AGBL4: variants seen among roughly 807,000 people sequenced by gnomAD.
The protein encoded by AGBL4 is AGBL carboxypeptidase 4, also known as cytosolic carboxypeptidase 6.
AGBL4 carries 58 observed loss-of-function variants against 66.4 expected under a neutral mutation model. That is an observed-to-expected ratio of 0.87 (90% CI 0.71 to 1.09). The LOEUF is 1.09. Ranked by LOEUF, AGBL4 falls within the 50% of genes least tolerant of loss-of-function variation. The probability of loss-of-function intolerance (pLI) is 0.00; values close to 1 mark genes in which losing one functional copy is unlikely to be tolerated. For missense variants in AGBL4, 579 were observed against 631.0 expected, an observed-to-expected ratio of 0.92 and a Z score of 0.88; for synonymous variants, 234 against 222.9, an observed-to-expected ratio of 1.05 and a Z score of -0.44.
chr1:48,686,552 A>G (rs919033438), intron 6 of AGBL4, among the ~76,000 whole-genome samples: 9 of 152,222 alleles, frequency 5.9e-5, no homozygotes, highest in African/African-American at 1.9e-4. Flanking sequence ...AGATAACAGA[A>G]AGGAAGACAG....
chr1:48,719,449 C>G (rs1244164555), intron 6 of AGBL4, among the ~76,000 whole-genome samples: 25 of 152,206 alleles, frequency 1.6e-4, no homozygotes. Flanking sequence ...CAACTCCTCC[C>G]TCTCCCTCCA....
At chr1:49,736,125 C>T (rs538242556) in intron 2 of AGBL4, among the ~76,000 whole-genome samples, 38 of 152,058 alleles carry the variant, frequency 2.5e-4, no homozygotes, top group East Asian at 3.9e-4. Flanking sequence ...GAATATTTAA[C>T]GAAATACTGC....
chr1:49,669,834 A>G (rs1394294747), intron 3 of AGBL4, among the ~76,000 whole-genome samples: 1 of 152,144 alleles, frequency 6.6e-6, no homozygotes, highest in African/African-American at 2.4e-5. Context: ...GCTCAGATCT[A>G]TACCTAGAGC....
intron 4 of AGBL4, among the ~76,000 whole-genome samples, chr1:49,180,565 T>C (rs1194950762): frequency 2.6e-5 from 4 of 152,144 alleles, no homozygotes; most frequent in Non-Finnish European, 1.5e-5. Flanking sequence ...ACTGCTAACT[T>C]TACTGAATTA....
chr1:49,588,180 A>T (rs1644686558), intron 3 of AGBL4, among the ~76,000 whole-genome samples: 1 of 152,176 alleles, frequency 6.6e-6, no homozygotes, highest in African/African-American at 2.4e-5. Flanking sequence ...TGTATGCCTT[A>T]TCTATGCCCA....
At chr1:48,646,847 T>A (rs184805315) in intron 8 of AGBL4, among the ~76,000 whole-genome samples, 55 of 152,232 alleles carry the variant, frequency 3.6e-4, no homozygotes, top group Admixed American at 1.4e-3. Context: ...ACTACCTCCA[T>A]CATGGGGCTG....
In AGBL4 at chr1:49,578,098, C is replaced by T. The variant is rs1270056489; in HGVS notation, c.282+119215G>A. Reference sequence around the variant, plus strand: ...CCACCAGGAGGCACAACAACAATTCCATTAAACTACAAGTTAAGATTGCCA... The same window carrying T: ...CCACCAGGAGGCACAACAACAATTCTATTAAACTACAAGTTAAGATTGCCA... On this transcript the variant is annotated intron_variant, in intron 3 of 13. Transcript: ENST00000371839. Among the ~76,000 whole-genome samples the T allele has an allele frequency of 2.0e-5, 3 of 152,272 alleles. No individual in the cohort carries two copies. The East Asian group carries it at 5.8e-4, about 29-fold the overall frequency.
intron 5 of AGBL4, among the ~76,000 whole-genome samples, chr1:49,016,315 A>G (rs1230457796): frequency 6.6e-6 from 1 of 152,184 alleles, no homozygotes; most frequent in Non-Finnish European, 1.5e-5. Flanking sequence ...GGGGTTACTC[A>G]TCCCAGCTTC....
At chr1:48,745,322 T>C (rs1157442485) in intron 6 of AGBL4, among the ~76,000 whole-genome samples, 1 of 152,074 alleles carries the variant, frequency 6.6e-6, no homozygotes, top group African/African-American at 2.4e-5. Flanking sequence ...GTCCGAGAAG[T>C]AGAAATCAGG....
At chr1:48,860,351 G>A (rs181126959) in intron 6 of AGBL4, among the ~76,000 whole-genome samples, 22 of 152,338 alleles carry the variant, frequency 1.4e-4, no homozygotes, top group South Asian at 4.1e-4. Flanking sequence ...TCCATTGTGG[G>A]AGACATCACC....
chr1:48,549,863 A>T (rs1644223457), intron 11 of AGBL4, among the ~76,000 whole-genome samples: 3 of 152,078 alleles, frequency 2.0e-5, no homozygotes, highest in Non-Finnish European at 4.4e-5. Flanking sequence ...GAGACAAAAG[A>T]AAAAAATGCA....
At chr1:48,864,609 T>A (rs1454250314) in intron 6 of AGBL4, among the ~76,000 whole-genome samples, 2 of 152,204 alleles carry the variant, frequency 1.3e-5, no homozygotes, top group Admixed American at 1.3e-4. Context: ...GCTATGTGTT[T>A]CAATATAAGT....
intron 4 of AGBL4, among the ~76,000 whole-genome samples, chr1:49,075,438 A>G (rs1644691327): frequency 6.6e-6 from 1 of 152,184 alleles, no homozygotes; most frequent in African/African-American, 2.4e-5. Flanking sequence ...TTTTTGGGCA[A>G]AAAATAAGCT....
intron 6 of AGBL4, among the ~76,000 whole-genome samples, chr1:48,743,732 A>G (rs1322849842): frequency 1.3e-5 from 2 of 152,192 alleles, no homozygotes; most frequent in Non-Finnish European, 2.9e-5. Flanking sequence ...AGCCATGTGG[A>G]CAACTGGGTA....
chr1:48,926,681 T>C (rs908141116), intron 5 of AGBL4, among the ~76,000 whole-genome samples: 4 of 152,128 alleles, frequency 2.6e-5, no homozygotes, highest in African/African-American at 9.7e-5. Flanking sequence ...ATATGTATAA[T>C]ACATTATGAT....
intron 4 of AGBL4, among the ~76,000 whole-genome samples, chr1:49,150,164 C>G (rs1207191258): frequency 6.6e-6 from 1 of 152,150 alleles, no homozygotes; most frequent in East Asian, 1.9e-4. Context: ...CAGTGTAAAA[C>G]ATGTCTAGCT....
At chr1:48,877,191 A>G (rs1379505815) in intron 5 of AGBL4, among the ~76,000 whole-genome samples, 1 of 152,210 alleles carries the variant, frequency 6.6e-6, no homozygotes, top group Non-Finnish European at 1.5e-5. Context: ...AAAAGAACAA[A>G]TGCCCATAAA....
chr1:49,559,263 T>C (rs1643976225), intron 3 of AGBL4, among the ~76,000 whole-genome samples: 1 of 151,978 alleles, frequency 6.6e-6, no homozygotes, highest in African/African-American at 2.4e-5. Flanking sequence ...TAAGGGAAAA[T>C]AATAGGAATC....
intron 4 of AGBL4, among the ~76,000 whole-genome samples, chr1:49,052,613 G>C (rs1168791704): frequency 6.6e-6 from 1 of 152,122 alleles, no homozygotes; most frequent in African/African-American, 2.4e-5. Flanking sequence ...TGGGTGCTTT[G>C]GGATTATTAG....
Sources: allele counts gnomAD v4.1 joint callset (sites outside exome capture counted in the v4.1 genomes callset), GRCh38; gene constraint gnomAD v4.1.1; transcripts MANE v1.5; gene names NCBI Gene and HGNC (gene_info 2026-07-23, HGNC 2026-07-21).